The following CNTLN variants were observed in gnomAD, a reference collection of about 807,000 sequenced individuals.
The protein encoded by CNTLN is centlein.
In CNTLN, 212 loss-of-function variants were observed where a neutral mutation model predicts 180.0. The observed-to-expected ratio is 1.18, with a 90% confidence interval of 1.05 to 1.32. CNTLN has a LOEUF of 1.32. Ranked by LOEUF, CNTLN falls within the 40% of genes most tolerant of loss-of-function variation. The probability of loss-of-function intolerance (pLI) is 0.00; values close to 1 mark genes in which losing one functional copy is unlikely to be tolerated. For synonymous variants in CNTLN, 722 were observed against 563.1 expected (o/e 1.28, Z -3.99); for missense variants, 2,095 against 1,610.9 (o/e 1.30, Z -5.14).
chr9:17,267,398 C>G (rs760198612), intron 5 of CNTLN, among the ~76,000 whole-genome samples: 1 of 152,094 alleles, frequency 6.6e-6, no homozygotes, highest in Non-Finnish European at 1.5e-5. Flanking sequence ...GAGTTTCTGC[C>G]GAGAGCTCCG....
In CNTLN at chr9:17,309,189, T is replaced by A; in HGVS notation, c.1278T>A (p.Leu426=). The A allele has an allele frequency of 6.2e-7, 1 of 1,609,794 alleles. No individual in the cohort carries two copies. The highest frequency in any genetic ancestry group is 8.5e-7 in the Non-Finnish European group (1 of 1,177,370). Residue 426 remains leucine (L), a synonymous_variant, in exon 8 of 26, where the codon CTT becomes CTA. Coordinates refer to ENST00000380647, the MANE Select transcript of CNTLN (RefSeq NM_017738.4). Reference sequence around the variant, plus strand: ...AAAATGCTAAGTTAAAAGAAAAACTTCAGGAATCACAGGGAGCACCTCTTC... The same window carrying A: ...AAAATGCTAAGTTAAAAGAAAAACTACAGGAATCACAGGGAGCACCTCTTC... ...EQENAKLKEK[L]QESQGAPLPL...
At chr9:17,245,809 C>A (rs898924028) in intron 5 of CNTLN, among the ~76,000 whole-genome samples, 5 of 151,798 alleles carry the variant, frequency 3.3e-5, no homozygotes, top group African/African-American at 9.7e-5. Context: ...TCTGCTTGAT[C>A]ATTTCTGCTT....
At chr9:17,525,838 G>C in the CNTLN span, among the ~76,000 whole-genome samples, 1 of 152,054 alleles carries the variant, frequency 6.6e-6, no homozygotes, top group Admixed American at 6.5e-5. Context: ...CAAAACACTG[G>C]TTATGAAACA....
intron 5 of CNTLN, among the ~76,000 whole-genome samples, chr9:17,243,208 G>T (rs1825601125): frequency 6.6e-6 from 1 of 151,462 alleles, no homozygotes; most frequent in East Asian, 1.9e-4. Flanking sequence ...TATTTATTTG[G>T]GTTTCTTTTT....
At chr9:17,375,959 T>C (rs768759546) in intron 13 of CNTLN, among the ~76,000 whole-genome samples, 8 of 152,236 alleles carry the variant, frequency 5.3e-5, no homozygotes, top group Admixed American at 3.3e-4. Context: ...CTAACCACTG[T>C]ACTTTTAGGT....
intron 5 of CNTLN, among the ~76,000 whole-genome samples, chr9:17,261,524 G>T (rs916660889): frequency 1.3e-5 from 2 of 151,374 alleles, no homozygotes; most frequent in African/African-American, 4.9e-5. Context: ...ATTGATTTTT[G>T]TATCCTGAAA....
chr9:17,378,100 C>G (rs1824926053), intron 13 of CNTLN, among the ~76,000 whole-genome samples: 1 of 152,014 alleles, frequency 6.6e-6, no homozygotes, highest in African/African-American at 2.4e-5. Context: ...CTTAACAATT[C>G]TTTAATCTTT....
chr9:17,234,795 A>G (rs995227490), intron 3 of CNTLN, among the ~76,000 whole-genome samples: 1 of 152,222 alleles, frequency 6.6e-6, no homozygotes, highest in Non-Finnish European at 1.5e-5. Context: ...CTATGTGTTT[A>G]ATAAATATTA....
chr9:17,506,076 G>C (rs1432665167), downstream of CNTLN, among the ~76,000 whole-genome samples: 2 of 24,784 alleles, frequency 8.1e-5, no homozygotes, highest in Non-Finnish European at 3.5e-4. Flanking sequence ...GGGCATCTTG[G>C]GTTAAAAAAA....
intron 14 of CNTLN, among the ~76,000 whole-genome samples, chr9:17,390,262 C>T (rs1468017452): frequency 3.7e-5 from 2 of 54,676 alleles, no homozygotes; most frequent in African/African-American, 1.4e-4. Context: ...TTTTTGGAGA[C>T]AGAGTCTTGC....
chr9:17,247,132 G>A (rs1200088386), intron 5 of CNTLN, among the ~76,000 whole-genome samples: 6 of 152,056 alleles, frequency 3.9e-5, no homozygotes, highest in Admixed American at 3.9e-4. Context: ...GTGCTGCCCT[G>A]GGTGGTATTT....
intron 15 of CNTLN, among the ~76,000 whole-genome samples, chr9:17,403,783 C>T (rs1425466808): frequency 1.3e-5 from 2 of 151,572 alleles, no homozygotes; most frequent in Non-Finnish European, 2.9e-5. Flanking sequence ...GACACATTTT[C>T]TTCTTAGTTT....
intron 18 of CNTLN, among the ~76,000 whole-genome samples, chr9:17,424,892 C>T (rs982583341): frequency 1.3e-5 from 2 of 152,064 alleles, no homozygotes; most frequent in Non-Finnish European, 2.9e-5. Flanking sequence ...TCCTAGCCTC[C>T]CAAACCATGA....
At chr9:17,177,406 C>T (rs561501401) in intron 2 of CNTLN, among the ~76,000 whole-genome samples, 1 of 150,296 alleles carries the variant, frequency 6.7e-6, no homozygotes, top group East Asian at 1.9e-4. Context: ...AAGACTCTGT[C>T]TCAAAAAAAA....
At chr9:17,405,466 G>A (rs545829901) in intron 15 of CNTLN, among the ~76,000 whole-genome samples, 2 of 151,860 alleles carry the variant, frequency 1.3e-5, no homozygotes, top group South Asian at 4.2e-4. Context: ...AAGGTGGAAC[G>A]GCAAGGAGCC....
intron 6 of CNTLN, among the ~76,000 whole-genome samples, chr9:17,288,482 C>G (rs1300007516): frequency 7.0e-6 from 1 of 142,822 alleles, no homozygotes. Context: ...AATGTATATT[C>G]TGTTGATTTG....
chr9:17,395,189 C>A, intron 15 of CNTLN, 120 bp downstream of exon 15: 6 of 1,380,020 alleles, frequency 4.3e-6, no homozygotes, highest in Non-Finnish European at 5.7e-6. Flanking sequence ...ACTGTCAGAT[C>A]CTTTGAAATA....
chr9:17,374,813 T>G (rs1824617446), intron 13 of CNTLN, among the ~76,000 whole-genome samples: 1 of 151,500 alleles, frequency 6.6e-6, no homozygotes, highest in Non-Finnish European at 1.5e-5. Context: ...TGAGCCGAGA[T>G]TATGCCACTG....
intron 2 of CNTLN, among the ~76,000 whole-genome samples, chr9:17,197,613 G>A (rs564134591): frequency 4.1e-4 from 63 of 152,144 alleles, no homozygotes; most frequent in African/African-American, 1.4e-3. Context: ...AGTTGTTTGA[G>A]TTTCTTATAC....
Sources: allele counts gnomAD v4.1 joint callset (sites outside exome capture counted in the v4.1 genomes callset), GRCh38; gene constraint gnomAD v4.1.1; transcripts MANE v1.5; gene names NCBI Gene and HGNC (gene_info 2026-07-23, HGNC 2026-07-21).